EXPH5: variants seen among roughly 807,000 people sequenced by gnomAD.
EXPH5 encodes the protein exophilin 5.
EXPH5 carries 42 observed loss-of-function variants against 41.1 expected under a neutral mutation model. The observed-to-expected ratio is 1.02, with a 90% CI of 0.80 to 1.32. The LOEUF is 1.32. EXPH5 is among the 40% of genes most tolerant of loss of function. The pLI, the probability that EXPH5 is intolerant of heterozygous loss-of-function variation, is 0.00. For missense variants in EXPH5, 2,298 were observed against 2,314.5 expected (o/e 0.99, Z 0.15); for synonymous variants, 798 against 833.5 (o/e 0.96, Z 0.73).
chr11:108,568,378 G>A (rs780551782), intron 1 of EXPH5, among the ~76,000 whole-genome samples: 37 of 152,010 alleles, frequency 2.4e-4, no homozygotes, highest in Non-Finnish European at 4.7e-4. Flanking sequence ...AGAACCAATC[G>A]GTTCCCCCCT....
At position 108,510,699 on chromosome 11, in the gene EXPH5, C is replaced by G. The variant is rs1409940512; in HGVS notation, c.4808G>C (p.Arg1603Thr). 2.5e-6 allele frequency: 4 copies of G among 1,614,204 alleles called. No homozygotes were observed. The East Asian group carries it at 8.9e-5, about 36-fold the overall frequency. Reference sequence around the variant, plus strand: ...GCTTACATCTTTAGCTGGGAATTTTCTGCTGGCTTTAGACATGGCTGCCAA... The same window carrying G: ...GCTTACATCTTTAGCTGGGAATTTTGTGCTGGCTTTAGACATGGCTGCCAA... ...HRLAAMSKAS[R>T]KFPAKDVSPR... The change falls in exon 6 of 6, where the codon AGA becomes ACA. Residue 1603 changes from arginine to threonine, a missense_variant. By Grantham distance (71) the Arg-to-Thr change is moderately conservative. Coordinates refer to ENST00000265843, the MANE Select transcript of EXPH5 (RefSeq NM_015065.3).
intron 3 of EXPH5, 57 bp from the exon 4 acceptor site, chr11:108,528,241 G>GA: frequency 8.1e-7 from 1 of 1,235,494 alleles, no homozygotes; most frequent in Non-Finnish European, 1.2e-6. Context: ...TTACCAGGCG[G>GA]AAAAATCAAC....
chr11:108,544,688 C>T lies in EXPH5; in HGVS notation c.120-2876G>A, dbSNP rs2093929356. On this transcript the variant is annotated intron_variant, in intron 1 of 5. Coordinates refer to ENST00000265843, the MANE Select transcript of EXPH5 (RefSeq NM_015065.3). ...CCCCAAGAACATTAATTTAACTGAGCATCATGTAGTTGCTAACAATAATTA... is the reference window on the plus strand; with the variant it reads ...CCCCAAGAACATTAATTTAACTGAGTATCATGTAGTTGCTAACAATAATTA... 2.0e-5 allele frequency among the ~76,000 whole-genome samples: 3 copies of T among 152,274 alleles called. No homozygotes were observed. The East Asian group carries it at 5.8e-4, about 29-fold the overall frequency.
intron 2 of EXPH5, among the ~76,000 whole-genome samples, chr11:108,540,540 T>G (rs982269259): frequency 8.5e-5 from 13 of 152,122 alleles, no homozygotes; most frequent in Non-Finnish European, 1.8e-4. Context: ...AGAAGTATTT[T>G]TACATGTTTC....
intron 1 of EXPH5, among the ~76,000 whole-genome samples, chr11:108,585,967 C>T (rs992545931): frequency 6.6e-5 from 10 of 152,182 alleles, no homozygotes; most frequent in Non-Finnish European, 1.5e-4. Context: ...GAGATGAAGT[C>T]TTGCTCTGTA....
chr11:108,604,924 T>TA, the EXPH5 span, among the ~76,000 whole-genome samples: 1 of 152,132 alleles, frequency 6.6e-6, no homozygotes, highest in South Asian at 2.1e-4. Context: ...TCAGTGGCCA[T>TA]AAAATAGGTA....
At chr11:108,530,996 G>C (rs1202047762) in intron 3 of EXPH5, among the ~76,000 whole-genome samples, 4 of 152,158 alleles carry the variant, frequency 2.6e-5, no homozygotes, top group African/African-American at 9.7e-5. Flanking sequence ...GTGAATAAAA[G>C]CAACAGTGGT....
At chr11:108,590,309 TCTGTTATGTTTA>T (rs2094124424) in intron 1 of EXPH5, among the ~76,000 whole-genome samples, 1 of 152,226 alleles carries the variant, frequency 6.6e-6, no homozygotes, top group African/African-American at 2.4e-5. Context: ...CATTTTCCCA[TCTGTTATGTTTA>T]CTGTTTGGAT....
chr11:108,576,269 A>C (rs958337645), intron 1 of EXPH5, among the ~76,000 whole-genome samples: 1 of 152,252 alleles, frequency 6.6e-6, no homozygotes, highest in African/African-American at 2.4e-5. Context: ...GTATTAATAC[A>C]TGTTATAAGG....
intron 1 of EXPH5, among the ~76,000 whole-genome samples, chr11:108,575,618 A>G (rs756255507): frequency 2.0e-5 from 3 of 152,266 alleles, no homozygotes; most frequent in Non-Finnish European, 2.9e-5. Context: ...TGAAGGGGTT[A>G]TTTTTATGTT....
intron 1 of EXPH5, among the ~76,000 whole-genome samples, chr11:108,580,803 A>T (rs896804370): frequency 6.6e-6 from 1 of 152,216 alleles, no homozygotes; most frequent in African/African-American, 2.4e-5. Flanking sequence ...AACCAAGAAC[A>T]CAAAGCTAAA....
the EXPH5 span, among the ~76,000 whole-genome samples, chr11:108,602,667 C>A: frequency 6.6e-6 from 1 of 152,054 alleles, no homozygotes; most frequent in South Asian, 2.1e-4. Flanking sequence ...CCATGTTAGT[C>A]CCCCAAGTAG....
upstream of EXPH5, chr11:108,593,790 A>G: frequency 2.6e-6 from 4 of 1,528,300 alleles, no homozygotes; most frequent in Middle Eastern, 3.3e-4. Flanking sequence ...GGAGAGAGGG[A>G]ACCAATCCCG....
intron 4 of EXPH5, among the ~76,000 whole-genome samples, chr11:108,519,529 T>G (rs1005745040): frequency 6.6e-6 from 1 of 152,106 alleles, no homozygotes; most frequent in African/African-American, 2.4e-5. Flanking sequence ...GGCAGATCAC[T>G]TGAGGCCAGG....
chr11:108,554,679 A>G (rs1591732266), intron 1 of EXPH5, among the ~76,000 whole-genome samples: 1 of 152,104 alleles, frequency 6.6e-6, no homozygotes, highest in African/African-American at 2.4e-5. Flanking sequence ...CCCAGCACTT[A>G]GGGAGGCCAA....
intron 1 of EXPH5, among the ~76,000 whole-genome samples, chr11:108,567,616 G>A (rs370208514): frequency 2.0e-5 from 3 of 152,142 alleles, no homozygotes; most frequent in East Asian, 3.8e-4. Context: ...TACCATAGCA[G>A]ATTTCATAGC....
chr11:108,536,317 C>G (rs1019110366), intron 3 of EXPH5, among the ~76,000 whole-genome samples: 2 of 151,340 alleles, frequency 1.3e-5, no homozygotes, highest in African/African-American at 2.4e-5. Flanking sequence ...CACTCTGTCA[C>G]CCAGGCTGGA....
chr11:108,593,744 A>T lies in EXPH5; in HGVS notation c.-208T>A, dbSNP rs1014415973. The stretch of plus-strand genomic sequence containing the variant: ...ATACCTTAATGACATGTTTCTCTCA[A>T]CCTGTCCAACCGAGATGCAAAGTGA... On this transcript the variant is annotated 5_prime_UTR_variant, in exon 1 of 6. It adds an upstream start codon to the 5' untranslated region. Transcript: ENST00000265843. 4 of 1,536,302 alleles carry T rather than the reference A, an allele frequency of 2.6e-6. No homozygotes were observed. Among genetic ancestry groups the T allele is most frequent in the Non-Finnish European group, 3.5e-6 (4 of 1,146,964 alleles).
the EXPH5 span, among the ~76,000 whole-genome samples, chr11:108,602,484 A>T: frequency 6.6e-6 from 1 of 151,890 alleles, no homozygotes; most frequent in East Asian, 1.9e-4. Flanking sequence ...AAAGGCAAAT[A>T]ACCTGGGCCA....
Sources: allele counts gnomAD v4.1 joint callset (sites outside exome capture counted in the v4.1 genomes callset), GRCh38; gene constraint gnomAD v4.1.1; transcripts MANE v1.5; gene names NCBI Gene and HGNC (gene_info 2026-07-23, HGNC 2026-07-21).